NAV3: variants seen among roughly 807,000 people sequenced by gnomAD.
The protein encoded by NAV3 is neuron navigator 3.
Under a neutral mutation model 244.7 loss-of-function variants are expected in NAV3, and 87 were observed. That is an observed-to-expected ratio of 0.36 (90% CI 0.30 to 0.42). The LOEUF (loss-of-function observed/expected upper bound fraction) is 0.42. Among genes scored for constraint, NAV3 ranks in the 20% least tolerant of loss-of-function variants. The probability of loss-of-function intolerance (pLI) is 1.00; values close to 1 mark genes in which losing one functional copy is unlikely to be tolerated. For synonymous variants in NAV3, 1,126 were observed against 1,042.2 expected, an observed-to-expected ratio of 1.08 and a Z score of -1.55; for missense variants, 2,663 against 2,893.3, an observed-to-expected ratio of 0.92 and a Z score of 1.83.
At chr12:78,071,329 T>C (rs1566091061) in intron 12 of NAV3, among the ~76,000 whole-genome samples, 1 of 152,160 alleles carries the variant, frequency 6.6e-6, no homozygotes, top group South Asian at 2.1e-4. Context: ...TTTCTTGTGT[T>C]TTTTGGCTGC....
At chr12:78,020,527 G>T (rs1339055031) in intron 8 of NAV3, among the ~76,000 whole-genome samples, 1 of 152,028 alleles carries the variant, frequency 6.6e-6, no homozygotes, top group Admixed American at 6.6e-5. Context: ...TTTCTTTCTT[G>T]TATAGTTCTT....
At chr12:77,620,386 G>A (rs1871322078) in intron 2 of NAV3, among the ~76,000 whole-genome samples, 1 of 152,140 alleles carries the variant, frequency 6.6e-6, no homozygotes, top group African/African-American at 2.4e-5. Context: ...AGTTATCCCA[G>A]TGGAATTCAT....
At chr12:78,045,812 G>A (rs541589362) in intron 9 of NAV3, among the ~76,000 whole-genome samples, 2 of 152,312 alleles carry the variant, frequency 1.3e-5, no homozygotes, top group African/African-American at 4.8e-5. Context: ...AATGGTACCA[G>A]CTCCTCTTCG....
intron 8 of NAV3, among the ~76,000 whole-genome samples, chr12:78,013,296 A>G (rs139842623): frequency 6.6e-6 from 1 of 152,284 alleles, no homozygotes; most frequent in African/African-American, 2.4e-5. Context: ...AAAGAGAACA[A>G]CAAAATGCAG....
chr12:78,072,600 C>A (rs1952832081), intron 12 of NAV3, among the ~76,000 whole-genome samples: 11 of 62,414 alleles, frequency 1.8e-4, no homozygotes, highest in Non-Finnish European at 2.8e-4. Flanking sequence ...CGAATTCTAC[C>A]AGAGGTACAA....
At chr12:78,020,584 C>A (rs1876986285) in intron 8 of NAV3, among the ~76,000 whole-genome samples, 1 of 152,076 alleles carries the variant, frequency 6.6e-6, no homozygotes, top group Non-Finnish European at 1.5e-5. Context: ...TCAATACAGA[C>A]AACATGTAGT....
intron 6 of NAV3, among the ~76,000 whole-genome samples, chr12:77,996,798 A>G (rs1474236438): frequency 6.6e-6 from 1 of 152,212 alleles, no homozygotes; most frequent in Non-Finnish European, 1.5e-5. Context: ...AGATGATTAT[A>G]AAAAATAGTG....
chr12:77,782,160 GCAT>G (rs1870696049), intron 2 of NAV3, among the ~76,000 whole-genome samples: 1 of 152,054 alleles, frequency 6.6e-6, no homozygotes, highest in Non-Finnish European at 1.5e-5. Flanking sequence ...ATTGAAGTAG[GCAT>G]TCTCATGTTC....
At chr12:77,967,629 T>A (rs2137970656) in intron 4 of NAV3, among the ~76,000 whole-genome samples, 1 of 152,310 alleles carries the variant, frequency 6.6e-6, no homozygotes, top group Non-Finnish European at 1.5e-5. Context: ...AAAATATGAT[T>A]ACAGGTTGTG....
At chr12:77,653,528 A>AGAATTAAT (rs531964698) in intron 2 of NAV3, among the ~76,000 whole-genome samples, 9 of 152,240 alleles carry the variant, frequency 5.9e-5, no homozygotes, top group Non-Finnish European at 1.3e-4. Context: ...AAATTAACTG[A>AGAATTAAT]GAATTAATGA....
chr12:77,858,936 G>A (rs1878797237), intron 1 of NAV3, among the ~76,000 whole-genome samples: 1 of 152,046 alleles, frequency 6.6e-6, no homozygotes, highest in South Asian at 2.1e-4. Context: ...TGAGGGAGAT[G>A]CAAAGTTCTT....
chr12:77,795,806 C>T (rs1255634063), intron 2 of NAV3, among the ~76,000 whole-genome samples: 1 of 152,156 alleles, frequency 6.6e-6, no homozygotes, highest in Admixed American at 6.5e-5. Context: ...TCTACTCTGC[C>T]TGTGCTCTAT....
At chr12:77,801,099 C>T (rs1279454888) in intron 2 of NAV3, among the ~76,000 whole-genome samples, 3 of 152,046 alleles carry the variant, frequency 2.0e-5, no homozygotes, top group African/African-American at 4.8e-5. Flanking sequence ...AGGTACAATA[C>T]TTAATCTCAC....
intron 2 of NAV3, among the ~76,000 whole-genome samples, chr12:77,699,610 A>G (rs1269207956): frequency 2.6e-5 from 4 of 151,990 alleles, no homozygotes; most frequent in Admixed American, 1.3e-4. Context: ...AGTCTGGTAC[A>G]GGTCTGGTAT....
At position 78,116,982 on chromosome 12, in the gene NAV3, T is replaced by C. The variant is rs1036133867; in HGVS notation, c.2769+78T>C. The C allele has an allele frequency of 5.3e-6, 8 of 1,511,442 alleles. No homozygotes were observed. In the African/African-American group the frequency reaches 8.3e-5, roughly 16 times the overall value. 93.6% of individuals were successfully genotyped at this position (1,511,442 alleles called of 1,614,324 possible). ...AATTACTTAATATTAGATTAAGGTA[T>C]AGCACAAGCCCTTAATCCAAAATTA... On this transcript the variant is annotated intron_variant, in intron 13 of 39. Transcript: ENST00000397909.
intron 1 of NAV3, among the ~76,000 whole-genome samples, chr12:77,874,311 C>A (rs973872489): frequency 6.6e-6 from 1 of 152,010 alleles, no homozygotes; most frequent in Non-Finnish European, 1.5e-5. Flanking sequence ...ATCAACCTTG[C>A]AGGCTCAAGC....
intron 9 of NAV3, among the ~76,000 whole-genome samples, chr12:78,028,710 G>A (rs1037517723): frequency 6.6e-6 from 1 of 152,174 alleles, no homozygotes; most frequent in Non-Finnish European, 1.5e-5. Flanking sequence ...TGTTGGTTTT[G>A]CAAACATTTT....
intron 1 of NAV3, among the ~76,000 whole-genome samples, chr12:77,872,313 A>C (rs1881094760): frequency 6.6e-6 from 1 of 152,208 alleles, no homozygotes; most frequent in Non-Finnish European, 1.5e-5. Flanking sequence ...CATTGAAATA[A>C]AGTAGGCTTG....
At chr12:78,049,687 T>C (rs1189566164) in intron 9 of NAV3, among the ~76,000 whole-genome samples, 1 of 152,240 alleles carries the variant, frequency 6.6e-6, no homozygotes, top group Non-Finnish European at 1.5e-5. Flanking sequence ...CATAGATTTT[T>C]AATTGATCCC....
Sources: allele counts gnomAD v4.1 joint callset (sites outside exome capture counted in the v4.1 genomes callset), GRCh38; gene constraint gnomAD v4.1.1; transcripts MANE v1.5; gene names NCBI Gene and HGNC (gene_info 2026-07-23, HGNC 2026-07-21).